XPNPEP1: variants seen among roughly 807,000 people sequenced by gnomAD.
The protein encoded by XPNPEP1 is xaa-Pro aminopeptidase 1.
In XPNPEP1, 39 loss-of-function variants were observed where a neutral mutation model predicts 92.4. That is an observed-to-expected ratio of 0.42 (90% CI 0.33 to 0.55). The LOEUF (loss-of-function observed/expected upper bound fraction) is 0.55. Among genes scored for constraint, XPNPEP1 ranks in the 20% least tolerant of loss-of-function variants. XPNPEP1 has a pLI of 0.08. For synonymous variants in XPNPEP1, 307 were observed against 299.4 expected (o/e 1.03, Z -0.26); for missense variants, 654 against 856.1 (o/e 0.76, Z 2.95).
At chr10:109,919,870 G>C (rs1302490350) in intron 1 of XPNPEP1, among the ~76,000 whole-genome samples, 2 of 151,874 alleles carry the variant, frequency 1.3e-5, no homozygotes, top group African/African-American at 4.8e-5. Flanking sequence ...CATCTCTACT[G>C]AAAATACAAA....
intron 19 of XPNPEP1, among the ~76,000 whole-genome samples, chr10:109,869,361 C>T (rs1055233795): frequency 7.9e-5 from 12 of 152,176 alleles, no homozygotes; most frequent in Non-Finnish European, 1.3e-4. Flanking sequence ...TTAGGTAAAG[C>T]CTAGAGCCTA....
Position 109,888,593 on chromosome 10 carries a change from G to A in XPNPEP1, c.418C>T (p.Leu140=). The part of the protein sequence containing the change: ...DSNWTLMKMG[L]KDTPTQEDWL... ...TCTTCCTGAGTTGGTGTGTCCTTCAGACCTACAGGGGGAAGAAATGATAAG... is the reference window on the plus strand; with the variant it reads ...TCTTCCTGAGTTGGTGTGTCCTTCAAACCTACAGGGGGAAGAAATGATAAG... The change falls in exon 6 of 21, where the codon CTG becomes TTG. Residue 140 remains leucine (L), a splice_region_variant and synonymous_variant. Coordinates refer to ENST00000502935, the MANE Select transcript of XPNPEP1 (RefSeq NM_020383.4). The A allele has an allele frequency of 6.3e-7, 1 of 1,599,484 alleles. No individual in the cohort carries two copies.
In XPNPEP1 at chr10:109,871,866, A is replaced by G. The variant is rs1847499796; in HGVS notation, c.1453-5T>C. ...GAGGACATATGTGAAGCATTCCTGC[A>G]AAGAAAACCCAGGGGCATGTTGCAG... On this transcript the variant is annotated splice_polypyrimidine_tract_variant and splice_region_variant and intron_variant, in intron 16 of 20. Transcript: ENST00000502935. 6.2e-7 allele frequency: 1 copy of G among 1,613,638 alleles called. No individual in the cohort carries two copies. The highest frequency in any genetic ancestry group is 8.5e-7 in the Non-Finnish European group (1 of 1,179,864).
intron 11 of XPNPEP1, among the ~76,000 whole-genome samples, chr10:109,880,461 G>C (rs1848029072): frequency 6.6e-6 from 1 of 152,086 alleles, no homozygotes; most frequent in Admixed American, 6.5e-5. Context: ...GTACAATCAG[G>C]AAGGGCCCCA....
intron 3 of XPNPEP1, among the ~76,000 whole-genome samples, chr10:109,895,200 C>A (rs1049820418): frequency 3.3e-5 from 5 of 152,228 alleles, no homozygotes; most frequent in African/African-American, 1.2e-4. Flanking sequence ...TCTCCACCAA[C>A]ATGACGCCAC....
In XPNPEP1 at chr10:109,906,394, G is replaced by A. The variant is rs74154925; in HGVS notation, c.246+1297C>T. ...TCAGGTTTATATGACCCAACCAGTT[G>A]GCTGAAAAAGAGAAACTGATATGCA... is the stretch of plus-strand genomic sequence containing the variant. On this transcript the variant is annotated intron_variant, in intron 3 of 20. Transcript: ENST00000502935. Among the ~76,000 whole-genome samples the A allele has an allele frequency of 9.8e-3, 1,487 of 152,178 alleles. 31 individuals are homozygous for A. The highest frequency in any genetic ancestry group is 0.035 in the African/African-American group (1,438 of 41,510).
At chr10:109,883,377 A>C (rs1319847024) in intron 9 of XPNPEP1, among the ~76,000 whole-genome samples, 1 of 151,884 alleles carries the variant, frequency 6.6e-6, no homozygotes, top group Non-Finnish European at 1.5e-5. Context: ...TCAAAATATT[A>C]CTTTCCCCAA....
At chr10:109,873,661 A>G (rs1847613045) in intron 15 of XPNPEP1, 1 of 525,034 alleles carries the variant, frequency 1.9e-6, no homozygotes, top group South Asian at 2.7e-5. Flanking sequence ...ACATACATCC[A>G]CACAAAAACT....
At chr10:109,876,713 G>C (rs1243733469) in intron 14 of XPNPEP1, 2 of 152,286 alleles carry the variant, frequency 1.3e-5, no homozygotes, top group African/African-American at 4.8e-5. Context: ...GGGGAAAAAA[G>C]TGTGTGCCCA....
chr10:109,873,659 C>T (rs1343258631), intron 15 of XPNPEP1: 2 of 528,296 alleles, frequency 3.8e-6, no homozygotes, highest in Non-Finnish European at 6.8e-6. Flanking sequence ...AAACATACAT[C>T]CACACAAAAA....
chr10:109,914,969 C>G (rs1282153100), intron 2 of XPNPEP1, 42 bp downstream of exon 2: 1 of 1,383,314 alleles, frequency 7.2e-7, no homozygotes, highest in Non-Finnish European at 9.8e-7. Context: ...GATCTAAAAT[C>G]CTTTACAGAT....
intron 2 of XPNPEP1, among the ~76,000 whole-genome samples, chr10:109,914,587 G>A (rs889077270): frequency 7.2e-5 from 11 of 151,830 alleles, no homozygotes; most frequent in Admixed American, 5.2e-4. Flanking sequence ...ACCTGAGGTC[G>A]GGAGTTCAAG....
At chr10:109,905,883 G>A (rs1849532651) in intron 3 of XPNPEP1, among the ~76,000 whole-genome samples, 1 of 152,144 alleles carries the variant, frequency 6.6e-6, no homozygotes, top group Non-Finnish European at 1.5e-5. Context: ...ACTTCATACT[G>A]TTGCCTCAAA....
chr10:109,889,456 G>A (rs547973668), intron 5 of XPNPEP1, among the ~76,000 whole-genome samples: 3 of 152,300 alleles, frequency 2.0e-5, no homozygotes, highest in African/African-American at 7.2e-5. Flanking sequence ...TCCCACCTCA[G>A]CCTCCCAAAG....
At chr10:109,921,620 C>T (rs1375553907) in intron 1 of XPNPEP1, among the ~76,000 whole-genome samples, 1 of 152,222 alleles carries the variant, frequency 6.6e-6, no homozygotes, top group Non-Finnish European at 1.5e-5. Context: ...CAAGGGTAAA[C>T]TGGAACAAGT....
At chr10:109,903,765 C>T (rs1849410126) in intron 3 of XPNPEP1, among the ~76,000 whole-genome samples, 1 of 152,106 alleles carries the variant, frequency 6.6e-6, no homozygotes, top group South Asian at 2.1e-4. Flanking sequence ...ATAACTCAGG[C>T]TCAAATCACA....
chr10:109,870,723 A>T lies in XPNPEP1; in HGVS notation c.1696+8T>A, dbSNP rs776014091. The T allele has an allele frequency of 6.2e-7, 1 of 1,613,692 alleles. No individual in the cohort carries two copies. ...TCCACGCATGCCCTCTATGTGAGGGACACTTACCATCAGTGACAATCATGC... is the reference window on the plus strand; with the variant it reads ...TCCACGCATGCCCTCTATGTGAGGGTCACTTACCATCAGTGACAATCATGC... On this transcript the variant is annotated splice_region_variant and intron_variant, in intron 18 of 20. Transcript: ENST00000502935.
chr10:109,911,755 G>A (rs1483385380), intron 2 of XPNPEP1, among the ~76,000 whole-genome samples: 1 of 152,216 alleles, frequency 6.6e-6, no homozygotes, highest in Non-Finnish European at 1.5e-5. Flanking sequence ...CTGGAGTACA[G>A]CCTTGGCTTC....
chr10:109,898,034 C>T (rs1022500162), intron 3 of XPNPEP1, among the ~76,000 whole-genome samples: 1 of 152,190 alleles, frequency 6.6e-6, no homozygotes, highest in Non-Finnish European at 1.5e-5. Context: ...TTGTACACAT[C>T]TAGTCTCACA....
Sources: allele counts gnomAD v4.1 joint callset (sites outside exome capture counted in the v4.1 genomes callset), GRCh38; gene constraint gnomAD v4.1.1; transcripts MANE v1.5; gene names NCBI Gene and HGNC (gene_info 2026-07-23, HGNC 2026-07-21).